The following TMEM132D variants were observed in gnomAD, a reference collection of about 807,000 sequenced individuals.
TMEM132D encodes the protein mature OL transmembrane protein.
Under a neutral mutation model 62.3 loss-of-function variants are expected in TMEM132D, and 21 were observed. The ratio of observed to expected loss-of-function variants is 0.34; its 90% confidence interval spans 0.24 to 0.49. TMEM132D has a LOEUF of 0.49. TMEM132D is among the 20% of genes least tolerant of loss of function. The probability of loss-of-function intolerance (pLI) is 0.99; values close to 1 mark genes in which losing one functional copy is unlikely to be tolerated. For synonymous variants in TMEM132D, 621 were observed against 575.6 expected (o/e 1.08, Z -1.13); for missense variants, 1,346 against 1,402.8 (o/e 0.96, Z 0.65).
At chr12:129,470,445 C>T (rs1403705900) in intron 3 of TMEM132D, among the ~76,000 whole-genome samples, 1 of 152,110 alleles carries the variant, frequency 6.6e-6, no homozygotes, top group African/African-American at 2.4e-5. Context: ...GAAGCCCTCC[C>T]TACTTTGCGC....
At chr12:129,419,334 A>C (rs114778380) in intron 3 of TMEM132D, among the ~76,000 whole-genome samples, 169 of 152,174 alleles carry the variant, frequency 1.1e-3, no homozygotes, top group African/African-American at 4.0e-3. Context: ...AGCAAGAGTA[A>C]ATCCTAGCAA....
Position 129,596,118 on chromosome 12 carries a change from C to T in TMEM132D, c.969-64913G>A, listed in dbSNP as rs541546191. The stretch of plus-strand genomic sequence containing the variant: ...AGCACAATTTCAAACATGATGTACA[C>T]AGGAGACAAATTGGGTATGGTTTTG... On this transcript the variant is annotated intron_variant, in intron 2 of 8. Coordinates refer to ENST00000422113, the MANE Select transcript of TMEM132D (RefSeq NM_133448.3). 3.3e-5 allele frequency among the ~76,000 whole-genome samples: 5 copies of T among 152,238 alleles called. No individual in the cohort carries two copies. The South Asian group carries it at 1.0e-3, about 32-fold the overall frequency.
chr12:129,588,529 G>A (rs1357779965), intron 2 of TMEM132D, among the ~76,000 whole-genome samples: 2 of 152,060 alleles, frequency 1.3e-5, no homozygotes, highest in Admixed American at 1.3e-4. Context: ...AGAGAAGGTG[G>A]ATGAAAGGTG....
chr12:129,431,439 C>T (rs1024216306), intron 3 of TMEM132D, among the ~76,000 whole-genome samples: 6 of 152,134 alleles, frequency 3.9e-5, no homozygotes, highest in African/African-American at 9.7e-5. Context: ...TCCAGATGCT[C>T]GAAGTGTCTC....
intron 1 of TMEM132D, among the ~76,000 whole-genome samples, chr12:129,721,205 G>A (rs961554864): frequency 2.0e-5 from 3 of 152,244 alleles, no homozygotes; most frequent in African/African-American, 4.8e-5. Context: ...TACTTGTACC[G>A]TTACAAAGGA....
chr12:129,566,356 A>G (rs1201865046), intron 2 of TMEM132D, among the ~76,000 whole-genome samples: 1 of 152,172 alleles, frequency 6.6e-6, no homozygotes, highest in Non-Finnish European at 1.5e-5. Context: ...TAAGCCATCT[A>G]ACCAACTGAA....
At chr12:129,376,610 C>A (rs1289001623) in intron 3 of TMEM132D, among the ~76,000 whole-genome samples, 1 of 152,162 alleles carries the variant, frequency 6.6e-6, no homozygotes, top group Non-Finnish European at 1.5e-5. Context: ...CCCAGTACCT[C>A]AGTATGTGAT....
chr12:129,244,385 C>CAAAAAAAAAAAAAAAAAAAAA (rs751155633), intron 4 of TMEM132D, among the ~76,000 whole-genome samples: 1 of 85,232 alleles, frequency 1.2e-5, no homozygotes. Context: ...GACTCTGTCT[C>CAAAAAAAAAAAAAAAAAAAAA]AAAAAAAAAA....
At chr12:129,727,950 C>T (rs887682123) in intron 1 of TMEM132D, among the ~76,000 whole-genome samples, 5 of 152,220 alleles carry the variant, frequency 3.3e-5, no homozygotes, top group African/African-American at 9.6e-5. Context: ...CACTACCATC[C>T]TTTTCAATCA....
Position 129,137,120 on chromosome 12 carries a change from AC to A in TMEM132D, c.1444-52419del, listed in dbSNP as rs1054546975. Among the ~76,000 whole-genome samples the A allele has an allele frequency of 2.7e-5, 4 of 150,478 alleles. No individual in the cohort carries two copies. The South Asian group carries it at 8.5e-4, about 32-fold the overall frequency. On this transcript the variant is annotated intron_variant, in intron 5 of 8. Transcript: ENST00000422113. ...CACCACCATCACCACCACCATCATC[AC>A]CATCATCATCACCATCACTATCATT...
intron 4 of TMEM132D, among the ~76,000 whole-genome samples, chr12:129,313,983 T>C (rs1249920482): frequency 1.3e-5 from 2 of 152,250 alleles, no homozygotes; most frequent in Non-Finnish European, 2.9e-5. Flanking sequence ...TTTTTTCATA[T>C]GTTTGCTGGC....
At chr12:129,797,478 G>A (rs76314381) in intron 1 of TMEM132D, among the ~76,000 whole-genome samples, 2,762 of 152,300 alleles carry the variant, frequency 0.018, 81 homozygotes, top group African/African-American at 0.062. Context: ...AGGTCACTGT[G>A]CGCATCCACC....
intron 3 of TMEM132D, among the ~76,000 whole-genome samples, chr12:129,505,389 C>T (rs183577148): frequency 4.7e-4 from 72 of 152,110 alleles, no homozygotes; most frequent in African/African-American, 1.6e-3. Flanking sequence ...ACTACAGGCG[C>T]CTGCCACCAT....
chr12:129,161,677 C>T (rs576471261), intron 5 of TMEM132D, among the ~76,000 whole-genome samples: 5 of 152,188 alleles, frequency 3.3e-5, no homozygotes, highest in Non-Finnish European at 5.9e-5. Flanking sequence ...TTACCCAACT[C>T]GTGCCAGCCT....
At chr12:129,806,764 GC>G (rs1483921681) in intron 1 of TMEM132D, among the ~76,000 whole-genome samples, 10 of 152,126 alleles carry the variant, frequency 6.6e-5, no homozygotes, top group Non-Finnish European at 1.0e-4. Context: ...GGTGGTTCAG[GC>G]CTGAGATCCC....
intron 5 of TMEM132D, among the ~76,000 whole-genome samples, chr12:129,203,420 T>C (rs1382820413): frequency 6.6e-6 from 1 of 152,254 alleles, no homozygotes; most frequent in Admixed American, 6.5e-5. Context: ...AGGGCAATGC[T>C]TGCTAGAGCT....
At chr12:129,731,941 C>T (rs940798001) in intron 1 of TMEM132D, among the ~76,000 whole-genome samples, 4 of 152,300 alleles carry the variant, frequency 2.6e-5, no homozygotes, top group African/African-American at 7.2e-5. Context: ...GGATTACAGG[C>T]GTGAGCCACC....
At chr12:129,649,070 A>T (rs1879858606) in intron 2 of TMEM132D, among the ~76,000 whole-genome samples, 1 of 152,150 alleles carries the variant, frequency 6.6e-6, no homozygotes, top group Non-Finnish European at 1.5e-5. Context: ...CCTGCAAAGT[A>T]GATGGTTTTT....
At chr12:129,225,865 C>T (rs1490289960) in intron 4 of TMEM132D, among the ~76,000 whole-genome samples, 2 of 152,162 alleles carry the variant, frequency 1.3e-5, no homozygotes, top group Non-Finnish European at 2.9e-5. Context: ...CCAGTGGCCC[C>T]CAGCCCCCAC....
Sources: allele counts gnomAD v4.1 joint callset (sites outside exome capture counted in the v4.1 genomes callset), GRCh38; gene constraint gnomAD v4.1.1; transcripts MANE v1.5; gene names NCBI Gene and HGNC (gene_info 2026-07-23, HGNC 2026-07-21).